The following SNX10 variants were observed in gnomAD, a reference collection of about 807,000 sequenced individuals.
SNX10 encodes sorting nexin-10.
Under a neutral mutation model 28.5 loss-of-function variants are expected in SNX10, and 25 were observed. The observed-to-expected ratio is 0.88, with a 90% confidence interval of 0.64 to 1.22. The LOEUF is 1.22. Among genes scored for constraint, SNX10 ranks in the 50% most tolerant of loss-of-function variants. The pLI is 0.00. For synonymous variants in SNX10, 62 were observed against 81.4 expected (o/e 0.76, Z 1.28); for missense variants, 223 against 242.6 (o/e 0.92, Z 0.54).
At chr7:26,369,485 T>G (rs1189061264) in intron 5 of SNX10, among the ~76,000 whole-genome samples, 1 of 152,178 alleles carries the variant, frequency 6.6e-6, no homozygotes, top group Non-Finnish European at 1.5e-5. Flanking sequence ...AATAAGCATA[T>G]AAATACATTT....
chr7:26,303,130 C>A (rs1442753374), intron 1 of SNX10, among the ~76,000 whole-genome samples: 3 of 152,224 alleles, frequency 2.0e-5, no homozygotes, highest in African/African-American at 7.2e-5. Flanking sequence ...GGCAGATCCC[C>A]TAAAGTCTTT....
In SNX10 at chr7:26,365,123, G is replaced by C. The variant is rs1789238686; in HGVS notation, c.289G>C (p.Gly97Arg). Reference sequence around the variant, plus strand: ...CCAGCACGTGGATCAGCGTCGCCAGGGTCTGGAAGATTTCCTCAGAAAGTG... The same window carrying C: ...CCAGCACGTGGATCAGCGTCGCCAGCGTCTGGAAGATTTCCTCAGAAAGTG... ...NRQHVDQRRQ[G>R]LEDFLRKVLQ... The change falls in exon 5 of 7, where the codon GGT (glycine) becomes CGT (arginine). Residue 97 changes from glycine to arginine, a missense_variant. Coordinates refer to ENST00000338523, the MANE Select transcript of SNX10 (RefSeq NM_013322.3). The C allele has an allele frequency of 1.2e-6, 2 of 1,612,032 alleles. No homozygotes were observed. Among genetic ancestry groups the C allele is most frequent in the African/African-American group, 2.7e-5 (2 of 74,972 alleles).
intron 1 of SNX10, among the ~76,000 whole-genome samples, chr7:26,327,639 T>A (rs1787553411): frequency 6.6e-6 from 1 of 152,186 alleles, no homozygotes; most frequent in African/African-American, 2.4e-5. Context: ...GTTTTAATTT[T>A]CTTTGTCTCT....
intron 1 of SNX10, among the ~76,000 whole-genome samples, chr7:26,301,732 G>A (rs1786375345): frequency 6.6e-6 from 1 of 152,196 alleles, no homozygotes; most frequent in South Asian, 2.1e-4. Context: ...TATAGGAGAT[G>A]CTACAGACAT....
intron 2 of SNX10, among the ~76,000 whole-genome samples, chr7:26,349,279 C>T (rs1361557323): frequency 6.6e-6 from 1 of 152,070 alleles, no homozygotes; most frequent in Non-Finnish European, 1.5e-5. Flanking sequence ...TAACAAGATT[C>T]ATACAGCCTG....
At chr7:26,353,190 C>A (rs1029278849) in intron 2 of SNX10, among the ~76,000 whole-genome samples, 2 of 152,132 alleles carry the variant, frequency 1.3e-5, no homozygotes, top group African/African-American at 4.8e-5. Flanking sequence ...TCAGTACCAC[C>A]AGAGGATGGT....
At chr7:26,314,465 A>G (rs992314216) in intron 1 of SNX10, among the ~76,000 whole-genome samples, 3 of 152,086 alleles carry the variant, frequency 2.0e-5, no homozygotes, top group African/African-American at 7.2e-5. Context: ...TGTTAGCCAG[A>G]CTGGCAATAT....
chr7:26,349,056 C>T (rs950236807), intron 2 of SNX10, among the ~76,000 whole-genome samples: 1 of 152,186 alleles, frequency 6.6e-6, no homozygotes, highest in Non-Finnish European at 1.5e-5. Context: ...TAGGTCAAGC[C>T]TTTCATATCC....
At chr7:26,347,544 G>A (rs757843241) in intron 2 of SNX10, among the ~76,000 whole-genome samples, 3 of 152,044 alleles carry the variant, frequency 2.0e-5, no homozygotes, top group Admixed American at 6.6e-5. Context: ...TGTCTCAAAC[G>A]AAAAACCAAA....
chr7:26,362,387 T>G (rs1789110363), intron 3 of SNX10, among the ~76,000 whole-genome samples: 1 of 152,212 alleles, frequency 6.6e-6, no homozygotes, highest in African/African-American at 2.4e-5. Flanking sequence ...TCCCAGGAAT[T>G]AATGAAAGTA....
chr7:26,320,481 G>A (rs925387665), intron 1 of SNX10, among the ~76,000 whole-genome samples: 3 of 151,652 alleles, frequency 2.0e-5, no homozygotes, highest in Non-Finnish European at 4.4e-5. Context: ...GCCCGGGCTG[G>A]AGTGCAGTGG....
rs145413111 is a variant in SNX10, at chr7:26,328,431, G to A, written c.-23-17989G>A. Among the ~76,000 whole-genome samples, 6 of 152,290 alleles carry A rather than the reference G, an allele frequency of 3.9e-5. No individual in the cohort carries two copies. In the East Asian group the frequency reaches 7.7e-4, roughly 20 times the overall value. On this transcript the variant is annotated intron_variant, in intron 1 of 6. Coordinates refer to ENST00000338523, the MANE Select transcript of SNX10 (RefSeq NM_013322.3). ...AGTTTGAGGTGTGTGCAGAATGTCC[G>A]CATGAAGAGACCGCTAGGAGGTGGC...
At position 26,307,314 on chromosome 7, in the gene SNX10, C is replaced by T. The variant is rs145727364; in HGVS notation, c.-24+15228C>T. The stretch of plus-strand genomic sequence containing the variant: ...ACATGTTCCAGTTTCTTTCTTACCT[C>T]TCAAAACAGCCCCCCTTTTCCAACT... On this transcript the variant is annotated intron_variant, in intron 1 of 6. Transcript: ENST00000338523. Among the ~76,000 whole-genome samples the T allele has an allele frequency of 2.9e-3, 437 of 152,336 alleles. 2 individuals carry two copies. The highest frequency in any genetic ancestry group is 0.01 in the African/African-American group (426 of 41,586).
intron 1 of SNX10, among the ~76,000 whole-genome samples, chr7:26,316,788 A>G (rs1787108847): frequency 6.6e-6 from 1 of 152,236 alleles, no homozygotes; most frequent in Non-Finnish European, 1.5e-5. Context: ...ATGCTTCATC[A>G]GTGCAGTGCC....
Position 26,341,425 on chromosome 7 carries a change from G to GCAGA in SNX10, c.-23-4994_-23-4991dup, listed in dbSNP as rs1329338165. Among the ~76,000 whole-genome samples, 4 of 152,312 alleles carry GCAGA rather than the reference G, an allele frequency of 2.6e-5. No homozygotes were observed. The East Asian group carries it at 7.7e-4, about 29-fold the overall frequency. ...GAGAGAATACTCTAGAGACAGCCTA[G>GCAGA]CAGAGGACACTGGGAGGCAGATATC... On this transcript the variant is annotated intron_variant, in intron 1 of 6. Transcript: ENST00000338523.
At chr7:26,361,470 A>T (rs1171028221) in intron 3 of SNX10, among the ~76,000 whole-genome samples, 1 of 152,204 alleles carries the variant, frequency 6.6e-6, no homozygotes, top group Non-Finnish European at 1.5e-5. Flanking sequence ...GGTGTTTTAT[A>T]TATAGAATCA....
At chr7:26,344,973 C>T (rs557268910) in intron 1 of SNX10, among the ~76,000 whole-genome samples, 1 of 152,304 alleles carries the variant, frequency 6.6e-6, no homozygotes, top group South Asian at 2.1e-4. Context: ...TTGCTTCTTC[C>T]AGCCCCAGGG....
intron 1 of SNX10, among the ~76,000 whole-genome samples, chr7:26,331,748 C>T (rs555086496): frequency 2.4e-4 from 37 of 152,320 alleles, no homozygotes; most frequent in Admixed American, 7.2e-4. Context: ...CTCCCCTACC[C>T]ACCAAGTTCT....
At chr7:26,329,228 C>T (rs1787630159) in intron 1 of SNX10, among the ~76,000 whole-genome samples, 1 of 152,248 alleles carries the variant, frequency 6.6e-6, no homozygotes, top group Non-Finnish European at 1.5e-5. Context: ...CCCCCATACT[C>T]CAGCACACTG....
Sources: gnomAD v4.1 joint callset for allele counts (sites outside exome capture counted in the v4.1 genomes callset) on GRCh38, gnomAD v4.1.1 for gene constraint, MANE v1.5 for transcripts, NCBI Gene and HGNC (gene_info 2026-07-23, HGNC 2026-07-21) for gene names.